Variants in COL11A1 observed in about 807,000 individuals in gnomAD.
COL11A1 encodes the protein collagen alpha-1(XI) chain.
In COL11A1, 74 loss-of-function variants were observed where a neutral mutation model predicts 265.2. That is an observed-to-expected ratio of 0.28 (90% CI 0.23 to 0.34). COL11A1 has a LOEUF of 0.34. Among genes scored for constraint, COL11A1 ranks in the 10% least tolerant of loss-of-function variants. The pLI is 1.00. For missense variants in COL11A1, 2,165 were observed against 2,263.6 expected, an observed-to-expected ratio of 0.96 and a Z score of 0.88; for synonymous variants, 816 against 727.6, an observed-to-expected ratio of 1.12 and a Z score of -1.96.
chr1:103,049,366 T>C (rs1222265515), intron 4 of COL11A1, among the ~76,000 whole-genome samples: 1 of 152,198 alleles, frequency 6.6e-6, no homozygotes, highest in Non-Finnish European at 1.5e-5. Context: ...GCCTTCTTTG[T>C]CTCTTTTGAT....
At chr1:103,008,372 A>C (rs1189774460) in intron 15 of COL11A1, 91 bp downstream of exon 15, 26 of 1,101,212 alleles carry the variant, frequency 2.4e-5, no homozygotes, top group Non-Finnish European at 3.3e-5. Context: ...TCAGGAACAA[A>C]AAAAAAATTA....
In COL11A1 at chr1:102,970,585, A is replaced by G. The variant is rs11164648; in HGVS notation, c.2809-313T>C. ...TATTTTCGTTTTTGTGAAAAATATT[A>G]CTTCTTTAGCACTTCACAAATGAGT... is the stretch of plus-strand genomic sequence containing the variant. On this transcript the variant is annotated intron_variant, in intron 36 of 66. Coordinates refer to ENST00000370096, the MANE Select transcript of COL11A1 (RefSeq NM_001854.4). 0.22 allele frequency among the ~76,000 whole-genome samples: 33,652 copies of G among 152,172 alleles called. 3,746 individuals carry two copies. The highest frequency in any genetic ancestry group is 0.24 in the Non-Finnish European group (16,458 of 67,982).
chr1:102,975,873 C>G (rs1368514273), intron 35 of COL11A1, among the ~76,000 whole-genome samples: 1 of 152,022 alleles, frequency 6.6e-6, no homozygotes, highest in Non-Finnish European at 1.5e-5. Context: ...ATTCATAAGC[C>G]AATGTTAGTT....
intron 5 of COL11A1, among the ~76,000 whole-genome samples, chr1:103,030,240 T>C (rs1321112231): frequency 6.6e-6 from 1 of 152,076 alleles, no homozygotes. Flanking sequence ...TTACCCTGTT[T>C]TTTAAACAAA....
intron 35 of COL11A1, 148 bp downstream of exon 35, chr1:102,978,560 A>AAAATT: frequency 1.2e-6 from 1 of 865,832 alleles, no homozygotes; most frequent in Non-Finnish European, 1.9e-6. Flanking sequence ...AAGAGGAATA[A>AAAATT]ATTAAAAAAT....
At chr1:103,017,022 T>C (rs1299980995) in intron 11 of COL11A1, among the ~76,000 whole-genome samples, 1 of 151,988 alleles carries the variant, frequency 6.6e-6, no homozygotes, top group Non-Finnish European at 1.5e-5. Context: ...TTAAAAATAT[T>C]AACTAAAATG....
rs1651458740 is a variant in COL11A1 at position 102,889,435 on chromosome 1, T to C, written c.4464+20A>G. The C allele has an allele frequency of 7.0e-7, 1 of 1,428,318 alleles. No homozygotes were observed. The highest frequency in any genetic ancestry group is 1.7e-5 in the Admixed American group (1 of 58,606). The allele number at this position is 1,428,318 out of a possible 1,614,324, so 88.5% of individuals were successfully genotyped here. A position where few individuals can be genotyped will look rare whatever the true frequency, so the allele number is the denominator to read the frequency against. On this transcript the variant is annotated intron_variant, in intron 59 of 66. Transcript: ENST00000370096. ...TATTATTGGAAATGAGTAGAAAAAA[T>C]AACCTATATTTTTACTCACCCCATC... is the stretch of plus-strand genomic sequence containing the variant.
chr1:102,977,027 ATAGT>A (rs1378287210), intron 35 of COL11A1, among the ~76,000 whole-genome samples: 2 of 152,310 alleles, frequency 1.3e-5, no homozygotes, highest in African/African-American at 4.8e-5. Context: ...GTATAACTGT[ATAGT>A]TAAATATAAA....
chr1:102,961,869 T>C lies in COL11A1; in HGVS notation c.3165A>G (p.Pro1055=), dbSNP rs1164493925. The C allele has an allele frequency of 6.2e-7, 1 of 1,613,152 alleles. No individual in the cohort carries two copies. The highest frequency in any genetic ancestry group is 1.1e-5 in the South Asian group (1 of 90,914). Residue 1055 remains proline, a synonymous_variant, in exon 41 of 67, where the codon CCA becomes CCG. Transcript: ENST00000370096. ...GGEGPQGPPG[P]VGSPGERGSA... ...TATTTATTATCATCATACTTACAACTGGACCTGGTGGGCCCTGGGGACCTT... is the reference window on the plus strand; with the variant it reads ...TATTTATTATCATCATACTTACAACCGGACCTGGTGGGCCCTGGGGACCTT...
At chr1:102,886,071 G>A (rs1000807405) in intron 63 of COL11A1, among the ~76,000 whole-genome samples, 26 of 152,052 alleles carry the variant, frequency 1.7e-4, no homozygotes, top group African/African-American at 6.0e-4. Flanking sequence ...AGAGTAAAGG[G>A]GAGACAAAAT....
chr1:102,894,403 A>G (rs879826140), intron 57 of COL11A1, among the ~76,000 whole-genome samples: 10 of 152,072 alleles, frequency 6.6e-5, no homozygotes, highest in Non-Finnish European at 1.5e-4. Flanking sequence ...GTGCAGTGGC[A>G]CAAACCTGCA....
chr1:103,089,313 T>C (rs868799915), intron 1 of COL11A1, among the ~76,000 whole-genome samples: 2 of 152,126 alleles, frequency 1.3e-5, no homozygotes, highest in Non-Finnish European at 2.9e-5. Flanking sequence ...TTCTAGGAGA[T>C]TTATTCTTAG....
intron 37 of COL11A1, among the ~76,000 whole-genome samples, chr1:102,967,230 T>TTTTTA (rs1553220376): frequency 0.015 from 840 of 54,394 alleles, 31 homozygotes; most frequent in Non-Finnish European, 0.022. Context: ...ATAAATTCTT[T>TTTTTA]TTTTTTTTTT....
At chr1:103,074,853 T>A in intron 3 of COL11A1, 73 bp from the exon 4 acceptor site, 1 of 1,513,728 alleles carries the variant, frequency 6.6e-7, no homozygotes. Flanking sequence ...CACATAAAAA[T>A]GCTGTGTATT....
chr1:102,901,195 C>T (rs1653149115), intron 54 of COL11A1, among the ~76,000 whole-genome samples: 2 of 151,874 alleles, frequency 1.3e-5, no homozygotes, highest in Admixed American at 6.6e-5. Flanking sequence ...TGGTGGGCAC[C>T]TGTAATCCCA....
chr1:102,997,167 C>G, intron 25 of COL11A1, 43 bp from the exon 26 acceptor site: 1 of 1,472,632 alleles, frequency 6.8e-7, no homozygotes, highest in Non-Finnish European at 9.5e-7. Context: ...GTAATATAAA[C>G]ATAGTTGATA....
In COL11A1 at chr1:103,037,142, T is replaced by TTA. The variant is rs34909682; in HGVS notation, c.652-5900_652-5899dup. Among the ~76,000 whole-genome samples, 1,214 of 148,390 alleles carry TTA rather than the reference T, an allele frequency of 8.2e-3. 13 individuals are homozygous for TTA. Among genetic ancestry groups the TTA allele is most frequent in the African/African-American group, 0.025 (1,027 of 40,644 alleles). On this transcript the variant is annotated intron_variant, in intron 4 of 66. Transcript: ENST00000370096. ...TACTTTGGTTTGCATATATATAATTTTATATATATATATATAAAGTCTATA... is the reference window on the plus strand; with the variant it reads ...TACTTTGGTTTGCATATATATAATTTTATATATATATATATATAAAGTCTATA...
intron 54 of COL11A1, 136 bp from the exon 55 acceptor site, chr1:102,899,130 CATA>C: frequency 2.7e-6 from 1 of 368,710 alleles, no homozygotes; most frequent in Non-Finnish European, 4.8e-6. Flanking sequence ...TGGTTTAAAA[CATA>C]ATAACGAAAA....
intron 5 of COL11A1, among the ~76,000 whole-genome samples, chr1:103,027,805 C>A (rs78831902): frequency 0.034 from 5,190 of 152,074 alleles, 119 homozygotes; most frequent in Middle Eastern, 0.092. Flanking sequence ...TAATTGAAAT[C>A]TGCTATTCAA....
Sources: gnomAD v4.1 joint callset for allele counts (sites outside exome capture counted in the v4.1 genomes callset) on GRCh38, gnomAD v4.1.1 for gene constraint, MANE v1.5 for transcripts, NCBI Gene and HGNC (gene_info 2026-07-23, HGNC 2026-07-21) for gene names.